The following NUP98 variants were observed in gnomAD, a reference collection of about 807,000 sequenced individuals.
The protein encoded by NUP98 is nuclear pore complex protein Nup98-Nup96.
Under a neutral mutation model 191.9 loss-of-function variants are expected in NUP98, and 26 were observed. The observed-to-expected ratio is 0.14, with a 90% CI of 0.10 to 0.19. NUP98 has a LOEUF of 0.19. Ranked by LOEUF, NUP98 falls within the 10% of genes least tolerant of loss-of-function variation. The pLI is 1.00. For synonymous variants in NUP98, 808 were observed against 778.4 expected (o/e 1.04, Z -0.63); for missense variants, 1,941 against 2,178.8 (o/e 0.89, Z 2.17).
chr11:3,786,193 T>C (rs1350168488), intron 1 of NUP98, among the ~76,000 whole-genome samples: 2 of 152,204 alleles, frequency 1.3e-5, no homozygotes, highest in Admixed American at 1.3e-4. Context: ...CTAGAGCTCC[T>C]AGAGAAAGAA....
At position 3,768,733 on chromosome 11, in the gene NUP98, A is replaced by G; in HGVS notation, c.796T>C (p.Phe266Leu). The change falls in exon 8 of 33, where the codon TTT (phenylalanine) becomes CTT (leucine). Residue 266 changes from phenylalanine to leucine, a missense_variant. By Grantham distance (22) the Phe-to-Leu change is conservative (BLOSUM62 0). Coordinates refer to ENST00000324932, the MANE Select transcript of NUP98 (RefSeq NM_016320.5). ...KTAFGTSTTG[F>L]GTNPGGLFGQ... ...AAGAGACCACCTGGATTTGTTCCAA[A>G]TCCAGTTGTACCTTTTAGGAAAAAG... 6.3e-7 allele frequency: 1 copy of G among 1,574,994 alleles called. No individual in the cohort carries two copies. The highest frequency in any genetic ancestry group is 8.6e-7 in the Non-Finnish European group (1 of 1,164,262).
In NUP98 at chr11:3,680,014, C is replaced by T. The variant is rs111588477; in HGVS notation, c.4919-306G>A. The stretch of plus-strand genomic sequence containing the variant: ...TATGTCTAAAAAACCAATATACATA[C>T]CTTAATTTAAAAATATTTTATTGCT... On this transcript the variant is annotated intron_variant, in intron 30 of 32. Coordinates refer to ENST00000324932, the MANE Select transcript of NUP98 (RefSeq NM_016320.5). Among the ~76,000 whole-genome samples, 832 of 152,298 alleles carry T rather than the reference C, an allele frequency of 5.5e-3. 7 individuals carry two copies. Among genetic ancestry groups the T allele is most frequent in the African/African-American group, 0.017 (703 of 41,556 alleles).
At chr11:3,714,438 A>G (rs1187123340) in intron 18 of NUP98, among the ~76,000 whole-genome samples, 1 of 152,238 alleles carries the variant, frequency 6.6e-6, no homozygotes, top group Non-Finnish European at 1.5e-5. Flanking sequence ...GAAGATGACT[A>G]CAAGAGTGGT....
intron 11 of NUP98, among the ~76,000 whole-genome samples, chr11:3,747,510 G>A (rs1252881608): frequency 6.6e-6 from 1 of 152,160 alleles, no homozygotes; most frequent in Non-Finnish European, 1.5e-5. Context: ...AAATTGTTAT[G>A]TCCATGAGTT....
chr11:3,779,159 G>T lies in NUP98; in HGVS notation c.175C>A (p.Pro59Thr). 1.2e-6 allele frequency: 2 copies of T among 1,613,928 alleles called. No individual in the cohort carries two copies. Among genetic ancestry groups the T allele is most frequent in the Non-Finnish European group, 8.5e-7 (1 of 1,179,842 alleles). The change falls in exon 3 of 33, where the codon CCA becomes ACA. Residue 59 changes from proline (P) to threonine (T), a missense_variant. Pro to Thr is a conservative substitution (Grantham distance 38). Coordinates refer to ENST00000324932, the MANE Select transcript of NUP98 (RefSeq NM_016320.5). ...GGLFGNSQTK[P>T]GGLFGTSSFS... Reference sequence around the variant, plus strand: ...ATATCACAAATAAAGCCCCTACCTGGTTTAGTCTGTGAATTTCCAAAGAGG... The same window carrying T: ...ATATCACAAATAAAGCCCCTACCTGTTTTAGTCTGTGAATTTCCAAAGAGG...
chr11:3,710,127 A>C (rs564184820), intron 20 of NUP98, among the ~76,000 whole-genome samples: 2 of 152,342 alleles, frequency 1.3e-5, no homozygotes, highest in East Asian at 3.9e-4. Context: ...AAGCATTAAA[A>C]TATAAATATG....
intron 8 of NUP98, among the ~76,000 whole-genome samples, chr11:3,764,063 T>C (rs1028964633): frequency 6.6e-6 from 1 of 152,208 alleles, no homozygotes; most frequent in Non-Finnish European, 1.5e-5. Context: ...TCTGCAACCA[T>C]CCCTACTATC....
At chr11:3,741,814 G>C (rs1463259324) in intron 12 of NUP98, among the ~76,000 whole-genome samples, 1 of 152,198 alleles carries the variant, frequency 6.6e-6, no homozygotes, top group African/African-American at 2.4e-5. Flanking sequence ...AAGAGCATTA[G>C]ACCATCAGTA....
chr11:3,762,814 AC>A (rs1187891276), intron 9 of NUP98, 87 bp downstream of exon 9: 2 of 1,421,882 alleles, frequency 1.4e-6, no homozygotes, highest in African/African-American at 2.9e-5. Flanking sequence ...CAATAAAAAT[AC>A]CTGCAAAACA....
chr11:3,683,407 G>A lies in NUP98; in HGVS notation c.4711C>T (p.Arg1571Trp), dbSNP rs2078034983. 3.1e-6 allele frequency: 5 copies of A among 1,614,138 alleles called. No individual in the cohort carries two copies. Among genetic ancestry groups the A allele is most frequent in the Non-Finnish European group, 2.5e-6 (3 of 1,180,018 alleles). ...REKAVRELLTRHCQLLETPES... is the reference protein window; with the variant it reads ...REKAVRELLTWHCQLLETPES... ...GGGGTCTCCAACAGCTGGCAGTGCCGGGTAAGCAGCTCTCGAACAGCCTTC... is the reference window on the plus strand; with the variant it reads ...GGGGTCTCCAACAGCTGGCAGTGCCAGGTAAGCAGCTCTCGAACAGCCTTC... The change falls in exon 30 of 33, where the codon CGG becomes TGG. Residue 1571 changes from arginine (R) to tryptophan (W), a missense_variant. By Grantham distance (101) the Arg-to-Trp change is moderately radical. Coordinates refer to ENST00000324932, the MANE Select transcript of NUP98 (RefSeq NM_016320.5).
At chr11:3,765,398 T>C (rs1352731026) in intron 8 of NUP98, among the ~76,000 whole-genome samples, 2 of 152,248 alleles carry the variant, frequency 1.3e-5, no homozygotes, top group Non-Finnish European at 2.9e-5. Flanking sequence ...GCCCAACTTA[T>C]CTATTTTTTC....
chr11:3,783,931 C>T (rs903463553), intron 1 of NUP98, among the ~76,000 whole-genome samples: 5 of 152,114 alleles, frequency 3.3e-5, no homozygotes, highest in African/African-American at 1.2e-4. Context: ...TCATAGTTTA[C>T]TCAGAGCTTT....
At position 3,681,708 on chromosome 11, in the gene NUP98, G is replaced by A. The variant is rs148732692; in HGVS notation, c.4918+1492C>T. Among the ~76,000 whole-genome samples the A allele has an allele frequency of 7.6e-4, 116 of 152,036 alleles. 1 individual carries two copies. In the East Asian group the frequency reaches 0.015, roughly 20 times the overall value. The stretch of plus-strand genomic sequence containing the variant: ...GCTGTCATCCAGGCTTTGTTTTTCC[G>A]TTTACAGAGCACAGGCAGAGTAGAT... On this transcript the variant is annotated intron_variant, in intron 30 of 32. Coordinates refer to ENST00000324932, the MANE Select transcript of NUP98 (RefSeq NM_016320.5).
intron 21 of NUP98, 105 bp from the exon 22 acceptor site, chr11:3,705,461 G>T: frequency 1.9e-6 from 2 of 1,060,120 alleles, no homozygotes; most frequent in Non-Finnish European, 2.8e-6. Flanking sequence ...CCTCCTCAAG[G>T]CTGTGTACAG....
At chr11:3,732,514 T>C (rs1019123574) in intron 13 of NUP98, among the ~76,000 whole-genome samples, 2 of 152,248 alleles carry the variant, frequency 1.3e-5, no homozygotes, top group African/African-American at 4.8e-5. Flanking sequence ...ATTCAACTTC[T>C]ATGTAATGCA....
Position 3,742,695 on chromosome 11 carries a change from T to C in NUP98, c.1408+1814A>G, listed in dbSNP as rs1438868117. The stretch of plus-strand genomic sequence containing the variant: ...GCCTAGGAGATAGAGCAAGACTCTG[T>C]CTCCAAAAAAAAAAAAAAAAAAAAG... On this transcript the variant is annotated intron_variant, in intron 12 of 32. Transcript: ENST00000324932. Among the ~76,000 whole-genome samples the C allele has an allele frequency of 4.2e-5, 3 of 70,924 alleles. No individual in the cohort carries two copies. In the South Asian group the frequency reaches 1.3e-3, roughly 31 times the overall value. 46.5% of individuals were successfully genotyped at this position (70,924 alleles called of 152,430 possible).
intron 18 of NUP98, among the ~76,000 whole-genome samples, chr11:3,716,304 T>C (rs2079178854): frequency 1.3e-5 from 2 of 152,198 alleles, no homozygotes; most frequent in African/African-American, 2.4e-5. Context: ...GCCAGCATCC[T>C]TTGTTGAAGA....
At chr11:3,678,298 T>TTG in intron 31 of NUP98, among the ~76,000 whole-genome samples, 1 of 152,308 alleles carries the variant, frequency 6.6e-6, no homozygotes, top group Middle Eastern at 3.4e-3. Flanking sequence ...GGTAGTTAAC[T>TTG]TGCTCAAGAT....
intron 28 of NUP98, among the ~76,000 whole-genome samples, chr11:3,687,440 C>A (rs1022368946): frequency 6.6e-6 from 1 of 152,264 alleles, no homozygotes; most frequent in East Asian, 1.9e-4. Context: ...TATTTAGTGT[C>A]CACCTAAGAA....
Sources: allele counts gnomAD v4.1 joint callset (sites outside exome capture counted in the v4.1 genomes callset), GRCh38; gene constraint gnomAD v4.1.1; transcripts MANE v1.5; gene names NCBI Gene and HGNC (gene_info 2026-07-23, HGNC 2026-07-21).